Variants in HVCN1 observed in about 807,000 individuals in gnomAD.
The protein encoded by HVCN1 is voltage-gated hydrogen channel 1.
A neutral mutation model predicts 29.2 loss-of-function variants in HVCN1; 14 were observed. The ratio of observed to expected loss-of-function variants is 0.48; its 90% confidence interval spans 0.32 to 0.75. HVCN1 has a LOEUF of 0.75. HVCN1 is among the 30% of genes least tolerant of loss of function. The pLI, the probability that HVCN1 is intolerant of heterozygous loss-of-function variation, is 0.04. For synonymous variants in HVCN1, 131 were observed against 133.2 expected, an observed-to-expected ratio of 0.98 and a Z score of 0.11; for missense variants, 263 against 341.8, an observed-to-expected ratio of 0.77 and a Z score of 1.82.
rs2068754877 is a variant in HVCN1 at position 110,676,465 on chromosome 12, A to G, written c.21+6760T>C. ...TCTGGAAAATTCCCGCCATTCCCTG[A>G]TAAGAGCAGCTCATTGTGCCTAGAC... On this transcript the variant is annotated intron_variant, in intron 3 of 7. Coordinates refer to ENST00000242607, the MANE Select transcript of HVCN1 (RefSeq NM_032369.4). The surrounding 1 kb of genome is among the most constrained non-coding windows in gnomAD (Gnocchi z 4.1). 2.6e-5 allele frequency among the ~76,000 whole-genome samples: 4 copies of G among 152,182 alleles called. 1 individual carries two copies. The South Asian group carries it at 8.3e-4, about 31-fold the overall frequency.
chr12:110,652,707 A>G (rs1470260101), intron 5 of HVCN1, among the ~76,000 whole-genome samples: 2 of 152,252 alleles, frequency 1.3e-5, no homozygotes, highest in Non-Finnish European at 2.9e-5. Context: ...GCTTTTTTAT[A>G]GAAGAGTACC....
intron 3 of HVCN1, among the ~76,000 whole-genome samples, chr12:110,670,823 G>A (rs1023545608): frequency 6.6e-6 from 1 of 152,156 alleles, no homozygotes; most frequent in Non-Finnish European, 1.5e-5. Context: ...CTTTGCAGAT[G>A]TAACTAAAGA....
intron 3 of HVCN1, among the ~76,000 whole-genome samples, chr12:110,663,944 G>A (rs1184597571): frequency 1.3e-5 from 2 of 151,918 alleles, no homozygotes; most frequent in Non-Finnish European, 2.9e-5. Flanking sequence ...TTTAAAAAGA[G>A]GATCTCACTT....
intron 3 of HVCN1, among the ~76,000 whole-genome samples, chr12:110,664,076 C>T (rs1184774060): frequency 6.6e-6 from 1 of 152,188 alleles, no homozygotes; most frequent in African/African-American, 2.4e-5. Context: ...TATAACGTGT[C>T]TGGCTAATTA....
intron 2 of HVCN1, among the ~76,000 whole-genome samples, chr12:110,702,140 A>G (rs796583240): frequency 3.9e-5 from 6 of 151,930 alleles, no homozygotes; most frequent in African/African-American, 1.4e-4. Context: ...GCTTGTAAAT[A>G]CAAAGTAATG....
At chr12:110,690,572 G>A (rs2069382321), upstream of HVCN1, among the ~76,000 whole-genome samples, 2 of 152,142 alleles carry the variant, frequency 1.3e-5, no homozygotes, top group South Asian at 4.1e-4. Context: ...CGCCTCCTGG[G>A]TTCAAGCAAT....
chr12:110,696,466 A>G (rs897754501), intron 2 of HVCN1, among the ~76,000 whole-genome samples: 3 of 151,912 alleles, frequency 2.0e-5, no homozygotes, highest in African/African-American at 7.3e-5. Context: ...TGGAATCCCA[A>G]TCACTTTGGA....
intron 5 of HVCN1, among the ~76,000 whole-genome samples, chr12:110,654,358 A>G (rs901133832): frequency 7.2e-5 from 11 of 152,086 alleles, no homozygotes; most frequent in African/African-American, 1.9e-4. Flanking sequence ...TATCAGGAAG[A>G]AGGAGGAAGT....
chr12:110,664,461 A>G (rs1319033512), intron 3 of HVCN1, among the ~76,000 whole-genome samples: 1 of 152,250 alleles, frequency 6.6e-6, no homozygotes, highest in Non-Finnish European at 1.5e-5. Context: ...GTGTAAAAGC[A>G]TGAGTGTAAA....
In HVCN1 at chr12:110,661,128, C is replaced by T. The variant is rs370597733; in HGVS notation, c.306+36G>A. 2.6e-6 allele frequency: 4 copies of T among 1,553,442 alleles called. No homozygotes were observed. The highest frequency in any genetic ancestry group is 3.5e-6 in the Non-Finnish European group (4 of 1,147,710). On this transcript the variant is annotated intron_variant, in intron 4 of 7. Coordinates refer to ENST00000242607, the MANE Select transcript of HVCN1 (RefSeq NM_032369.4). The surrounding 1 kb of genome is among the most constrained non-coding windows in gnomAD (Gnocchi z 6.2). ...CTCACATTCCCCGATGGCTCTCCTGCCAGCTCTGGGTATCCCGGACTCCTG... is the reference window on the plus strand; with the variant it reads ...CTCACATTCCCCGATGGCTCTCCTGTCAGCTCTGGGTATCCCGGACTCCTG...
At chr12:110,654,202 AGGTG>A (rs2067909199) in intron 5 of HVCN1, among the ~76,000 whole-genome samples, 1 of 152,172 alleles carries the variant, frequency 6.6e-6, no homozygotes, top group Non-Finnish European at 1.5e-5. Context: ...TGGGAGGCAG[AGGTG>A]GGTGGATCAC....
chr12:110,670,912 CCAGG>C (rs2136355070), intron 3 of HVCN1, among the ~76,000 whole-genome samples: 1 of 152,264 alleles, frequency 6.6e-6, no homozygotes, highest in South Asian at 2.1e-4. Context: ...AGAAAAGGGG[CCAGG>C]CGCGGTAGCT....
At chr12:110,702,632 G>A (rs566808378) in intron 1 of HVCN1, among the ~76,000 whole-genome samples, 75 of 150,736 alleles carry the variant, frequency 5.0e-4, no homozygotes, top group African/African-American at 1.6e-3. Context: ...ACAGGTGTGC[G>A]CCACCATGCC....
chr12:110,650,206 C>T lies in HVCN1; in HGVS notation c.718G>A (p.Ala240Thr), dbSNP rs779165493. The T allele has an allele frequency of 9.3e-6, 15 of 1,612,898 alleles. No individual in the cohort carries two copies. The highest frequency in any genetic ancestry group is 2.2e-5 in the East Asian group (1 of 44,862). Residue 240 changes from alanine to threonine, a missense_variant, in exon 7 of 8, where the codon GCC (alanine) becomes ACC (threonine). Physicochemically the swap from Ala to Thr is moderately conservative, Grantham distance 58. This residue lies in a region of HVCN1 where 51 missense variants were observed against 51.1 expected (regional missense o/e 1.00). Transcript: ENST00000242607. ...CTGAACTCAAGGTGTTGAATCTTGG[C>T]GGCCAATTGTACATTCATCTGTTTT... ...RLKQMNVQLAAKIQHLEFSCS... is the reference protein window; with the variant it reads ...RLKQMNVQLATKIQHLEFSCS...
chr12:110,667,876 G>T (rs942767368), intron 3 of HVCN1, among the ~76,000 whole-genome samples: 1 of 152,146 alleles, frequency 6.6e-6, no homozygotes, highest in Admixed American at 6.5e-5. Context: ...CCTTGCAACT[G>T]GTGAAGAAGC....
chr12:110,697,586 C>T (rs193061851), intron 2 of HVCN1, among the ~76,000 whole-genome samples: 1 of 152,084 alleles, frequency 6.6e-6, no homozygotes, highest in Non-Finnish European at 1.5e-5. Context: ...TAGCATAGCA[C>T]CTGGAATGCA....
rs533394071 is a variant in HVCN1 at position 110,687,263 on chromosome 12, C to CA, written c.-20+1361_-20+1362insT. 6.4e-4 allele frequency among the ~76,000 whole-genome samples: 96 copies of CA among 149,922 alleles called. 1 individual carries two copies. Among genetic ancestry groups the CA allele is most frequent in the Non-Finnish European group, 1.2e-3 (79 of 66,924 alleles). ...AATATACAAGACAGACCACACCCCC[C>CA]CCCCCCAGCTAAGCACTGGGAAGCC... On this transcript the variant is annotated intron_variant, in intron 2 of 7. Coordinates refer to ENST00000242607, the MANE Select transcript of HVCN1 (RefSeq NM_032369.4).
intron 2 of HVCN1, among the ~76,000 whole-genome samples, chr12:110,686,101 C>T (rs890309022): frequency 3.9e-5 from 6 of 152,004 alleles, no homozygotes; most frequent in African/African-American, 4.8e-5. Context: ...CAGGTTCAAG[C>T]GATTCTCCTG....
chr12:110,696,718 A>G (rs892080745), intron 2 of HVCN1, among the ~76,000 whole-genome samples: 4 of 152,172 alleles, frequency 2.6e-5, no homozygotes, highest in Non-Finnish European at 5.9e-5. Flanking sequence ...CATTGAGCAC[A>G]ATGTTTTCAA....
Sources: gnomAD v4.1 joint callset for allele counts (sites outside exome capture counted in the v4.1 genomes callset) on GRCh38, gnomAD v4.1.1 for gene constraint, gnomAD v4.1.1 regional missense constraint, Gnocchi (gnomAD v3.1) non-coding constraint, MANE v1.5 for transcripts, NCBI Gene and HGNC (gene_info 2026-07-23, HGNC 2026-07-21) for gene names.